The following STAG1 variants were observed in gnomAD, a reference collection of about 807,000 sequenced individuals.
STAG1 encodes STAG1 cohesin complex component, also known as cohesin subunit SA-1.
In STAG1, 26 loss-of-function variants were observed where a neutral mutation model predicts 170.9. The observed-to-expected ratio is 0.15, with a 90% CI of 0.11 to 0.21. The LOEUF (loss-of-function observed/expected upper bound fraction) is 0.21. STAG1 is among the 10% of genes least tolerant of loss of function. The pLI is 1.00. For missense variants in STAG1, 964 were observed against 1,509.5 expected, an observed-to-expected ratio of 0.64 and a Z score of 5.99; for synonymous variants, 514 against 497.7, an observed-to-expected ratio of 1.03 and a Z score of -0.44.
At chr3:136,689,985 A>G (rs1245762489) in intron 1 of STAG1, among the ~76,000 whole-genome samples, 1 of 147,906 alleles carries the variant, frequency 6.8e-6, no homozygotes, top group Non-Finnish European at 1.5e-5. Context: ...GGCTACAGTG[A>G]GCCAAGATAG....
chr3:136,570,602 CCAAA>C (rs1378382465), intron 4 of STAG1, among the ~76,000 whole-genome samples: 3 of 152,178 alleles, frequency 2.0e-5, no homozygotes, highest in Non-Finnish European at 2.9e-5. Context: ...GTAGATAATG[CCAAA>C]CAATTTCTCA....
intron 5 of STAG1, among the ~76,000 whole-genome samples, chr3:136,557,194 C>T (rs1474215054): frequency 1.3e-5 from 2 of 152,016 alleles, no homozygotes; most frequent in Non-Finnish European, 2.9e-5. Flanking sequence ...GTCAAGATCG[C>T]ACCACTGCAC....
At chr3:136,542,054 T>A in intron 6 of STAG1, 65 bp downstream of exon 6, 1 of 1,182,756 alleles carries the variant, frequency 8.5e-7, no homozygotes, top group Non-Finnish European at 1.2e-6. Flanking sequence ...AAACCTGAGA[T>A]AATCAACATA....
intron 1 of STAG1, among the ~76,000 whole-genome samples, chr3:136,720,068 C>T (rs1305147272): frequency 1.3e-5 from 2 of 151,074 alleles, no homozygotes; most frequent in African/African-American, 2.4e-5. Flanking sequence ...CCCAGCTACT[C>T]GGAAGGCTGA....
intron 2 of STAG1, among the ~76,000 whole-genome samples, chr3:136,623,591 T>C (rs1939960788): frequency 6.6e-6 from 1 of 152,192 alleles, no homozygotes; most frequent in East Asian, 1.9e-4. Context: ...TTGTTTATTT[T>C]ATAAAGTCAT....
chr3:136,417,335 TA>T (rs2087804472), intron 21 of STAG1, among the ~76,000 whole-genome samples: 2 of 152,176 alleles, frequency 1.3e-5, no homozygotes, highest in South Asian at 4.1e-4. Flanking sequence ...GTGTACAAAA[TA>T]ACTCCTTCCT....
At chr3:136,749,209 G>A (rs1036672431) in intron 1 of STAG1, among the ~76,000 whole-genome samples, 2 of 152,094 alleles carry the variant, frequency 1.3e-5, no homozygotes, top group African/African-American at 4.8e-5. Context: ...TTACCACAAG[G>A]GCCTCAGAGC....
intron 15 of STAG1, among the ~76,000 whole-genome samples, chr3:136,436,851 CTTAA>C (rs2088476947): frequency 1.3e-5 from 2 of 152,140 alleles, no homozygotes; most frequent in Admixed American, 6.5e-5. Context: ...GTATGTACAT[CTTAA>C]TTCAGTGTTT....
intron 22 of STAG1, among the ~76,000 whole-genome samples, chr3:136,392,187 C>G (rs1372191757): frequency 6.6e-6 from 1 of 151,944 alleles, no homozygotes; most frequent in Non-Finnish European, 1.5e-5. Flanking sequence ...GAATATAATA[C>G]AAGATGAAAC....
chr3:136,714,742 A>G (rs1943473953), intron 1 of STAG1, among the ~76,000 whole-genome samples: 1 of 150,512 alleles, frequency 6.6e-6, no homozygotes, highest in Non-Finnish European at 1.5e-5. Context: ...ATAAAAATAA[A>G]TAAATAAATA....
chr3:136,428,438 A>G (rs1297749146), intron 16 of STAG1, among the ~76,000 whole-genome samples: 3 of 152,162 alleles, frequency 2.0e-5, no homozygotes, highest in East Asian at 3.8e-4. Flanking sequence ...CCCCTGACCA[A>G]CCAGAACCCA....
chr3:136,634,879 C>T (rs1039115196), intron 1 of STAG1, among the ~76,000 whole-genome samples: 2 of 151,842 alleles, frequency 1.3e-5, no homozygotes, highest in African/African-American at 2.4e-5. Context: ...CATATGTCCA[C>T]AAATTTAGTA....
At chr3:136,669,274 G>T (rs928603254) in intron 1 of STAG1, among the ~76,000 whole-genome samples, 1 of 152,172 alleles carries the variant, frequency 6.6e-6, no homozygotes, top group African/African-American at 2.4e-5. Context: ...GTTAACAGTG[G>T]TTACCCTATT....
chr3:136,447,197 G>A (rs2088806369), intron 14 of STAG1, among the ~76,000 whole-genome samples: 1 of 151,940 alleles, frequency 6.6e-6, no homozygotes, highest in Admixed American at 6.6e-5. Context: ...CATAAGAAGG[G>A]TGACTGGCTG....
intron 4 of STAG1, among the ~76,000 whole-genome samples, chr3:136,599,011 G>T (rs1938557588): frequency 6.6e-6 from 1 of 152,070 alleles, no homozygotes; most frequent in East Asian, 1.9e-4. Context: ...TTCAAAAATT[G>T]TATCTAAGAC....
intron 6 of STAG1, among the ~76,000 whole-genome samples, chr3:136,536,248 C>T (rs1268882528): frequency 6.6e-6 from 1 of 151,894 alleles, no homozygotes; most frequent in African/African-American, 2.4e-5. Flanking sequence ...ATATAACAGG[C>T]CCATTAAAAA....
intron 21 of STAG1, among the ~76,000 whole-genome samples, chr3:136,411,514 A>C (rs372262935): frequency 6.6e-6 from 1 of 152,210 alleles, no homozygotes; most frequent in East Asian, 1.9e-4. Context: ...GCTTTTCACA[A>C]GCTAATGATT....
rs574341031 is a variant in STAG1, at chr3:136,707,134, C to T, written c.-84+45061G>A. On this transcript the variant is annotated intron_variant, in intron 1 of 33. Transcript: ENST00000383202. ...TAAGAGAAAACATAGAAGTAACCTA[C>T]TCCACTGAATTTGGAAATGGTTTCT... 1.4e-4 allele frequency among the ~76,000 whole-genome samples: 21 copies of T among 152,302 alleles called. No homozygotes were observed. In the South Asian group the frequency reaches 4.3e-3, roughly 32 times the overall value.
chr3:136,559,236 T>C lies in STAG1; in HGVS notation c.394+9529A>G, dbSNP rs564714630. On this transcript the variant is annotated intron_variant, in intron 5 of 33. Transcript: ENST00000383202. Reference sequence around the variant, plus strand: ...GATTGCTAAAGAGAATACTGATTAATATATAATAAAGCCATATAAGCACTT... The same window carrying C: ...GATTGCTAAAGAGAATACTGATTAACATATAATAAAGCCATATAAGCACTT... 3.9e-5 allele frequency among the ~76,000 whole-genome samples: 6 copies of C among 152,246 alleles called. No individual in the cohort carries two copies. The South Asian group carries it at 1.0e-3, about 26-fold the overall frequency.
Sources: gnomAD v4.1 joint callset for allele counts (sites outside exome capture counted in the v4.1 genomes callset) on GRCh38, gnomAD v4.1.1 for gene constraint, MANE v1.5 for transcripts, NCBI Gene and HGNC (gene_info 2026-07-23, HGNC 2026-07-21) for gene names.